The following DCLK2 variants were observed in gnomAD, a reference collection of about 807,000 sequenced individuals.
DCLK2 encodes serine/threonine-protein kinase DCLK2.
A neutral mutation model predicts 78.4 loss-of-function variants in DCLK2; 31 were observed. That is an observed-to-expected ratio of 0.40 (90% CI 0.30 to 0.53). DCLK2 has a LOEUF of 0.53. DCLK2 is among the 20% of genes least tolerant of loss of function. The pLI, the probability that DCLK2 is intolerant of heterozygous loss-of-function variation, is 0.61. For synonymous variants in DCLK2, 407 were observed against 374.9 expected, an observed-to-expected ratio of 1.09 and a Z score of -0.99; for missense variants, 872 against 973.7, an observed-to-expected ratio of 0.90 and a Z score of 1.39.
chr4:150,124,910 C>G (rs1395934372), intron 2 of DCLK2, among the ~76,000 whole-genome samples: 1 of 151,938 alleles, frequency 6.6e-6, no homozygotes, highest in Non-Finnish European at 1.5e-5. Context: ...GATTTGTGCC[C>G]CCAAGGAGCT....
intron 5 of DCLK2, among the ~76,000 whole-genome samples, chr4:150,211,944 A>G (rs1426018559): frequency 6.6e-6 from 1 of 152,234 alleles, no homozygotes; most frequent in Non-Finnish European, 1.5e-5. Flanking sequence ...AATAAAGAGT[A>G]GTAAATGTGT....
chr4:150,081,207 T>G (rs1288998673), intron 1 of DCLK2, among the ~76,000 whole-genome samples: 1 of 152,198 alleles, frequency 6.6e-6, no homozygotes, highest in African/African-American at 2.4e-5. Flanking sequence ...TAAAGAAATT[T>G]TAACAGTGGA....
At chr4:150,240,812 C>A (rs1226741171) in intron 12 of DCLK2, among the ~76,000 whole-genome samples, 1 of 150,090 alleles carries the variant, frequency 6.7e-6, no homozygotes, top group African/African-American at 2.4e-5. Flanking sequence ...AAACACCTTT[C>A]GCTTTTTAAT....
intron 15 of DCLK2, among the ~76,000 whole-genome samples, chr4:150,251,979 GCTGAGT>G (rs2126646948): frequency 6.6e-6 from 1 of 152,200 alleles, no homozygotes; most frequent in African/African-American, 2.4e-5. Flanking sequence ...GGGTTTGCAA[GCTGAGT>G]CTTTTGATGG....
intron 3 of DCLK2, among the ~76,000 whole-genome samples, chr4:150,196,514 C>A (rs1739042171): frequency 1.3e-5 from 2 of 152,090 alleles, no homozygotes; most frequent in African/African-American, 4.8e-5. Context: ...GTTTACTGCC[C>A]CTGGGGTATA....
intron 12 of DCLK2, among the ~76,000 whole-genome samples, chr4:150,244,264 A>G (rs1743142237): frequency 6.6e-6 from 1 of 152,054 alleles, no homozygotes; most frequent in African/African-American, 2.4e-5. Context: ...TCAACATCAG[A>G]TTCATCATTA....
At chr4:150,101,472 G>A (rs1044956419) in intron 1 of DCLK2, among the ~76,000 whole-genome samples, 4 of 151,880 alleles carry the variant, frequency 2.6e-5, no homozygotes, top group African/African-American at 7.3e-5. Flanking sequence ...AATATTTAAG[G>A]TTCATGTTAA....
At chr4:150,223,210 A>G (rs1741330946) in intron 7 of DCLK2, among the ~76,000 whole-genome samples, 1 of 152,196 alleles carries the variant, frequency 6.6e-6, no homozygotes, top group Non-Finnish European at 1.5e-5. Flanking sequence ...TATGACTTTT[A>G]AAGACTAGTC....
At chr4:150,154,825 A>G (rs1560817790) in intron 2 of DCLK2, among the ~76,000 whole-genome samples, 1 of 152,226 alleles carries the variant, frequency 6.6e-6, no homozygotes, top group Non-Finnish European at 1.5e-5. Context: ...TTTACTGCAC[A>G]ATTGAGTTGT....
At chr4:150,102,869 G>T in intron 2 of DCLK2, 57 bp downstream of exon 2, 1 of 1,471,320 alleles carries the variant, frequency 6.8e-7, no homozygotes, top group Non-Finnish European at 9.1e-7. Context: ...CTGTGCCATG[G>T]TGGCTACATA....
chr4:150,254,516 A>G (rs1744424801), intron 15 of DCLK2: 1 of 398,628 alleles, frequency 2.5e-6, no homozygotes. Context: ...AAAAGGAGAA[A>G]TAACGGGGGG....
intron 2 of DCLK2, among the ~76,000 whole-genome samples, chr4:150,149,528 GT>G (rs1734740572): frequency 1.3e-5 from 2 of 152,150 alleles, no homozygotes; most frequent in South Asian, 4.1e-4. Context: ...AATCAGCAAG[GT>G]TTTATTGCAT....
intron 2 of DCLK2, among the ~76,000 whole-genome samples, chr4:150,157,385 A>G (rs965345806): frequency 6.6e-6 from 1 of 151,974 alleles, no homozygotes; most frequent in African/African-American, 2.4e-5. Context: ...GGCTCAAGCA[A>G]TCCTCACACC....
rs1685355993 is a variant in DCLK2, at chr4:150,252,245, CG to C, written c.2073+2562del. Among the ~76,000 whole-genome samples the C allele has an allele frequency of 2.0e-5, 3 of 152,190 alleles. No individual in the cohort carries two copies. In the South Asian group the frequency reaches 6.2e-4, roughly 32 times the overall value. On this transcript the variant is annotated intron_variant, in intron 15 of 15. Coordinates refer to ENST00000296550, the MANE Select transcript of DCLK2 (RefSeq NM_001040260.4). Reference sequence around the variant, plus strand: ...TGGTACACAGTCTTGCTGTGCACTGCGTTGTAAGGCAGCTTCTTGGAAAATT... The same window carrying C: ...TGGTACACAGTCTTGCTGTGCACTGCTTGTAAGGCAGCTTCTTGGAAAATT...
At chr4:150,216,409 C>T (rs1449860184) in intron 5 of DCLK2, among the ~76,000 whole-genome samples, 1 of 152,164 alleles carries the variant, frequency 6.6e-6, no homozygotes, top group African/African-American at 2.4e-5. Context: ...GAGGCCAAGG[C>T]AGGGGATCTC....
At chr4:150,090,936 A>G (rs1039134173) in intron 1 of DCLK2, among the ~76,000 whole-genome samples, 1 of 152,174 alleles carries the variant, frequency 6.6e-6, no homozygotes, top group South Asian at 2.1e-4. Context: ...TTGAGCAAAT[A>G]TGTAAGTAAT....
intron 2 of DCLK2, among the ~76,000 whole-genome samples, chr4:150,134,576 T>A (rs58937532): frequency 0.081 from 12,276 of 152,294 alleles, 494 homozygotes; most frequent in Admixed American, 0.093. Context: ...TTGGAGATTT[T>A]ACAATTTTGA....
intron 8 of DCLK2, among the ~76,000 whole-genome samples, chr4:150,225,418 A>G (rs1741529710): frequency 1.3e-5 from 2 of 152,214 alleles, no homozygotes; most frequent in South Asian, 4.1e-4. Context: ...TACTTTAACT[A>G]TGTTTGAAAA....
chr4:150,108,661 C>A (rs964474354), intron 2 of DCLK2, among the ~76,000 whole-genome samples: 2 of 151,814 alleles, frequency 1.3e-5, no homozygotes, highest in African/African-American at 4.8e-5. Flanking sequence ...GAGTGACATT[C>A]TCATAATAAA....
Sources: gnomAD v4.1 joint callset for allele counts (sites outside exome capture counted in the v4.1 genomes callset) on GRCh38, gnomAD v4.1.1 for gene constraint, MANE v1.5 for transcripts, NCBI Gene and HGNC (gene_info 2026-07-23, HGNC 2026-07-21) for gene names.